Variants in TOX2 observed in about 807,000 individuals in gnomAD.
TOX2 encodes TOX high mobility group box family member 2.
Under a neutral mutation model 47.4 loss-of-function variants are expected in TOX2, and 15 were observed. The ratio of observed to expected loss-of-function variants is 0.32; its 90% CI spans 0.21 to 0.49. The LOEUF (loss-of-function observed/expected upper bound fraction) is 0.49, where lower values mean the gene tolerates loss of function less well. Among genes scored for constraint, TOX2 ranks in the 20% least tolerant of loss-of-function variants. The probability of loss-of-function intolerance (pLI) is 0.99; values close to 1 mark genes in which losing one functional copy is unlikely to be tolerated. For missense variants in TOX2, 622 were observed against 673.1 expected (o/e 0.92, Z 0.84); for synonymous variants, 290 against 296.6 (o/e 0.98, Z 0.23).
rs2071884690 is a variant in TOX2, at chr20:44,068,858, A to G, written c.*172A>G. 2.2e-6 allele frequency: 2 copies of G among 908,210 alleles called. No individual in the cohort carries two copies. The highest frequency in any genetic ancestry group is 1.7e-5 in the African/African-American group (1 of 60,606). The allele number at this position is 908,210 out of a possible 1,614,324, so 56.3% of individuals were successfully genotyped here. On this transcript the variant is annotated 3_prime_UTR_variant, in exon 9 of 9. Transcript: ENST00000341197. ...TCCTCAACCTCCCACCAGACTCTGC[A>G]GAGGCAGCCCACTGCCCACCACCAG...
intron 1 of TOX2, among the ~76,000 whole-genome samples, chr20:43,951,707 G>GGTTTGTTTTTTTTTTTTTTT (rs745489872): frequency 1.8e-5 from 1 of 55,098 alleles, no homozygotes; most frequent in African/African-American, 5.4e-5. Flanking sequence ...AACTTATTAT[G>GGTTTGTTTTTTTTTTTTTTT]TTTTTTTTTT....
In TOX2 at chr20:43,946,031, C is replaced by T. The variant is rs371346912; in HGVS notation, c.100-27336C>T. The T allele has an allele frequency of 2.7e-5, 43 of 1,613,882 alleles. No individual in the cohort carries two copies. In the East Asian group the frequency reaches 2.7e-4, roughly 10 times the overall value. On this transcript the variant is annotated intron_variant, in intron 1 of 8. Coordinates refer to ENST00000341197, the MANE Select transcript of TOX2 (RefSeq NM_001098797.2). ...CACTGGTGCATTGCAGGTGTGTTTC[C>T]GCAGAAGGTAAGCAGCGGGTGCCCA... is the stretch of plus-strand genomic sequence containing the variant.
In TOX2 at chr20:44,046,319, A is replaced by T. The variant is rs147230740; in HGVS notation, c.412-4987A>T. 7.2e-5 allele frequency among the ~76,000 whole-genome samples: 11 copies of T among 152,374 alleles called. No individual in the cohort carries two copies. In the East Asian group the frequency reaches 2.1e-3, roughly 29 times the overall value. On this transcript the variant is annotated intron_variant, in intron 3 of 8. Transcript: ENST00000341197. ...GATAAATAACTTCACGTTAGTGTGT[A>T]TGCAGAAAATCTGTTTAAATTTTAG...
In TOX2 at chr20:43,914,921, C is replaced by T. The variant is rs2069038666; in HGVS notation, c.30C>T (p.Pro10=). The T allele has an allele frequency of 2.6e-6, 3 of 1,170,298 alleles. No individual in the cohort carries two copies. The highest frequency in any genetic ancestry group is 3.2e-6 in the Non-Finnish European group (3 of 950,900). The allele number at this position is 1,170,298 out of a possible 1,614,324, so 72.5% of individuals were successfully genotyped here. A position where few individuals can be genotyped will look rare whatever the true frequency, so the allele number is the denominator to read the frequency against. The change falls in exon 1 of 9, where the codon CCC becomes CCT. Residue 10 remains proline (P), a synonymous_variant. Coordinates refer to ENST00000341197, the MANE Select transcript of TOX2 (RefSeq NM_001098797.2). This position sits in a 1 kb window ranked among gnomAD's most constrained non-coding sequence, Gnocchi z 4.5. ...ACGTCCGCCTGTACCCCTCGGCGCC[C>T]GCGGTGGGCGCGCGGCCCGGGGCCG... MDVRLYPSA[P]AVGARPGAEP...
chr20:43,950,299 C>A (rs2069539446), intron 1 of TOX2, among the ~76,000 whole-genome samples: 1 of 152,196 alleles, frequency 6.6e-6, no homozygotes, highest in Admixed American at 6.5e-5. Flanking sequence ...GGCTCTGAGG[C>A]CCTGCTGAGG....
intron 3 of TOX2, among the ~76,000 whole-genome samples, chr20:44,050,825 A>G (rs2071496342): frequency 6.6e-6 from 1 of 152,222 alleles, no homozygotes; most frequent in Non-Finnish European, 1.5e-5. Flanking sequence ...AGATGAAGAA[A>G]CTGAGGCACA....
chr20:44,049,032 T>G (rs1479900510), intron 3 of TOX2, among the ~76,000 whole-genome samples: 1 of 152,206 alleles, frequency 6.6e-6, no homozygotes, highest in Non-Finnish European at 1.5e-5. Context: ...CCCAGCTACC[T>G]GGGAGGCAGA....
chr20:43,959,590 C>T (rs1040117729), intron 1 of TOX2, among the ~76,000 whole-genome samples: 7 of 152,232 alleles, frequency 4.6e-5, no homozygotes, highest in Non-Finnish European at 1.5e-5. Flanking sequence ...TCCCTTCCGA[C>T]AACACGAGCC....
chr20:44,067,516 C>T (rs562313533), intron 8 of TOX2, among the ~76,000 whole-genome samples: 12 of 152,208 alleles, frequency 7.9e-5, no homozygotes, highest in African/African-American at 2.6e-4. Context: ...CGGTGGGACA[C>T]GGTGGGAGAA....
At chr20:44,008,331 C>G (rs745622646) in intron 3 of TOX2, among the ~76,000 whole-genome samples, 4 of 151,784 alleles carry the variant, frequency 2.6e-5, no homozygotes, top group Non-Finnish European at 5.9e-5. Flanking sequence ...GAGGCTGAGG[C>G]GGGGGATCAC....
At chr20:43,971,129 G>A (rs1235362460) in intron 1 of TOX2, among the ~76,000 whole-genome samples, 1 of 152,214 alleles carries the variant, frequency 6.6e-6, no homozygotes, top group African/African-American at 2.4e-5. Flanking sequence ...TGATCTGCAT[G>A]TGGTAGTGAC....
chr20:43,989,383 C>T (rs2070328618), intron 2 of TOX2, among the ~76,000 whole-genome samples: 3 of 152,212 alleles, frequency 2.0e-5, no homozygotes, highest in Admixed American at 2.0e-4. Context: ...GGAAGCTCAG[C>T]ATCACACATG....
At chr20:44,003,208 A>G (rs1204972884) in intron 2 of TOX2, among the ~76,000 whole-genome samples, 2 of 142,324 alleles carry the variant, frequency 1.4e-5, no homozygotes, top group African/African-American at 2.6e-5. Flanking sequence ...TTTTTTTAAG[A>G]TGAGGTCTCC....
chr20:43,928,997 A>AAAAAC lies in TOX2; in HGVS notation c.99+14009_99+14010insAACAA, dbSNP rs540054093. Among the ~76,000 whole-genome samples the AAAAAC allele has an allele frequency of 2.7e-5, 4 of 149,670 alleles. No individual in the cohort carries two copies. The South Asian group carries it at 6.3e-4, about 24-fold the overall frequency. ...TAAAAATATGAAAAAAAAAAAAAAA[A>AAAAAC]AACAACAACAAAAAAACTGGGCATG... On this transcript the variant is annotated intron_variant, in intron 1 of 8. Transcript: ENST00000341197.
chr20:43,945,274 AT>A (rs1161428094), intron 1 of TOX2, among the ~76,000 whole-genome samples: 1 of 152,170 alleles, frequency 6.6e-6, no homozygotes, highest in Non-Finnish European at 1.5e-5. Context: ...ATACACCGTT[AT>A]TGTTTTTATA....
intron 3 of TOX2, among the ~76,000 whole-genome samples, chr20:44,040,343 AAGAGCAGGAAGGAC>A (rs1353540916): frequency 2.0e-5 from 3 of 152,174 alleles, no homozygotes; most frequent in African/African-American, 7.2e-5. Flanking sequence ...TGGGCTGAAG[AAGAGCAGGAAGGAC>A]TGGCTGGAGA....
At chr20:43,998,480 C>A (rs1351452407) in intron 2 of TOX2, among the ~76,000 whole-genome samples, 1 of 152,198 alleles carries the variant, frequency 6.6e-6, no homozygotes, top group African/African-American at 2.4e-5. Context: ...GATCCTCAAT[C>A]CTCACTCATT....
intron 1 of TOX2, among the ~76,000 whole-genome samples, chr20:43,917,085 T>A (rs971352534): frequency 1.3e-5 from 2 of 152,192 alleles, no homozygotes; most frequent in Non-Finnish European, 2.9e-5. Flanking sequence ...GGGATGCAGC[T>A]GAGCCACTTG....
intron 1 of TOX2, among the ~76,000 whole-genome samples, chr20:43,960,298 C>T (rs1271710250): frequency 2.6e-5 from 4 of 152,160 alleles, no homozygotes; most frequent in Non-Finnish European, 5.9e-5. Flanking sequence ...GGCTGCTGCC[C>T]CTATCAGCTG....
Sources: allele counts gnomAD v4.1 joint callset (sites outside exome capture counted in the v4.1 genomes callset), GRCh38; gene constraint gnomAD v4.1.1; non-coding constraint Gnocchi (gnomAD v3.1); transcripts MANE v1.5; gene names NCBI Gene and HGNC (gene_info 2026-07-23, HGNC 2026-07-21).